The following WWOX variants were observed in gnomAD, a reference collection of about 807,000 sequenced individuals.
WWOX encodes WW domain-containing oxidoreductase.
Under a neutral mutation model 46.2 loss-of-function variants are expected in WWOX, and 69 were observed. The observed-to-expected ratio is 1.49, with a 90% CI of 1.23 to 1.82. The LOEUF is 1.82. Among genes scored for constraint, WWOX ranks in the 40% most tolerant of loss-of-function variants. The pLI, the probability that WWOX is intolerant of heterozygous loss-of-function variation, is 0.00. For synonymous variants in WWOX, 359 were observed against 202.6 expected (o/e 1.77, Z -6.56); for missense variants, 919 against 542.6 (o/e 1.69, Z -6.89).
intron 6 of WWOX, among the ~76,000 whole-genome samples, chr16:78,411,516 C>G (rs1461431040): frequency 1.3e-5 from 2 of 152,250 alleles, no homozygotes; most frequent in South Asian, 2.1e-4. Context: ...GGATGATTCA[C>G]CTGCCTGGAG....
At chr16:78,524,272 A>T (rs919091227) in intron 8 of WWOX, among the ~76,000 whole-genome samples, 1 of 152,232 alleles carries the variant, frequency 6.6e-6, no homozygotes, top group Non-Finnish European at 1.5e-5. Flanking sequence ...AGACACAGCC[A>T]TGATGAGCAA....
chr16:78,333,431 T>A (rs1187034811), intron 5 of WWOX, among the ~76,000 whole-genome samples: 1 of 152,182 alleles, frequency 6.6e-6, no homozygotes, highest in East Asian at 1.9e-4. Flanking sequence ...ACCATTATAA[T>A]CATGGTATTT....
chr16:78,516,786 G>T (rs1277097447), intron 8 of WWOX, among the ~76,000 whole-genome samples: 1 of 152,150 alleles, frequency 6.6e-6, no homozygotes, highest in Non-Finnish European at 1.5e-5. Flanking sequence ...AAAATCCGTG[G>T]CAAGGTACCT....
intron 8 of WWOX, among the ~76,000 whole-genome samples, chr16:78,617,091 T>A (rs2046043956): frequency 6.6e-6 from 1 of 152,130 alleles, no homozygotes. Flanking sequence ...TGTTCAACCC[T>A]CCACATCAAC....
intron 8 of WWOX, among the ~76,000 whole-genome samples, chr16:79,191,789 TA>T (rs917457772): frequency 1.1e-4 from 16 of 152,148 alleles, no homozygotes; most frequent in South Asian, 1.0e-3. Flanking sequence ...ATCCACTGAA[TA>T]AATGTCTATT....
intron 5 of WWOX, among the ~76,000 whole-genome samples, chr16:78,251,608 C>G (rs1243837770): frequency 6.6e-6 from 1 of 152,182 alleles, no homozygotes; most frequent in Non-Finnish European, 1.5e-5. Context: ...ATTCTAAAAG[C>G]TGTCTGAAAT....
At chr16:78,219,162 A>C (rs1330653094) in intron 5 of WWOX, among the ~76,000 whole-genome samples, 1 of 152,108 alleles carries the variant, frequency 6.6e-6, no homozygotes, top group African/African-American at 2.4e-5. Flanking sequence ...ATAGACCACA[A>C]ATTGATTTTG....
chr16:78,702,007 T>TTTTATATATA (rs1555519491), intron 8 of WWOX, among the ~76,000 whole-genome samples: 11 of 57,630 alleles, frequency 1.9e-4, no homozygotes, highest in Non-Finnish European at 2.8e-4. Flanking sequence ...CTACATAAAA[T>TTTTATATATA]TATATATATA....
At chr16:78,888,891 T>C (rs942659891) in intron 8 of WWOX, among the ~76,000 whole-genome samples, 3 of 152,170 alleles carry the variant, frequency 2.0e-5, no homozygotes, top group Non-Finnish European at 2.9e-5. Context: ...ATCTAATTTC[T>C]CTTCCATTCC....
At chr16:78,785,901 C>G (rs2050443896) in intron 8 of WWOX, among the ~76,000 whole-genome samples, 1 of 151,874 alleles carries the variant, frequency 6.6e-6, no homozygotes, top group African/African-American at 2.4e-5. Context: ...GTTAATATTT[C>G]TTTTTTATTT....
At chr16:78,408,901 G>GT (rs142243296) in intron 6 of WWOX, among the ~76,000 whole-genome samples, 1,924 of 152,268 alleles carry the variant, frequency 0.013, 37 homozygotes, top group African/African-American at 0.043. Flanking sequence ...GGGTATAAGT[G>GT]TGTAAGCAGG....
intron 8 of WWOX, among the ~76,000 whole-genome samples, chr16:79,184,716 G>C (rs1031960892): frequency 1.3e-5 from 2 of 152,202 alleles, no homozygotes; most frequent in African/African-American, 2.4e-5. Context: ...TCCCAGAAGA[G>C]TGGGAGTCTA....
rs182663409 is a variant in WWOX at position 79,166,999 on chromosome 16, G to A, written c.1057-44609G>A. Among the ~76,000 whole-genome samples, 275 of 151,932 alleles carry A rather than the reference G, an allele frequency of 1.8e-3. 2 individuals carry two copies. Among genetic ancestry groups the A allele is most frequent in the Middle Eastern group, 6.8e-3 (2 of 294 alleles). ...CTGTGTCATCCAGGCTGGAGTGCAT[G>A]GCCTGATCTCTACTCTCTGCAACCT... On this transcript the variant is annotated intron_variant, in intron 8 of 8. Coordinates refer to ENST00000566780, the MANE Select transcript of WWOX (RefSeq NM_016373.4).
chr16:78,418,532 T>C (rs1252243189), intron 6 of WWOX, among the ~76,000 whole-genome samples: 1 of 152,118 alleles, frequency 6.6e-6, no homozygotes, highest in Admixed American at 6.5e-5. Flanking sequence ...CTTTCACTTA[T>C]AAATAGAGAT....
chr16:78,482,917 G>C (rs1290666243), intron 8 of WWOX, among the ~76,000 whole-genome samples: 1 of 152,150 alleles, frequency 6.6e-6, no homozygotes, highest in African/African-American at 2.4e-5. Flanking sequence ...AAAAGAAACA[G>C]TCATTCATAT....
chr16:78,284,170 G>A (rs2079730768), intron 5 of WWOX, among the ~76,000 whole-genome samples: 1 of 152,168 alleles, frequency 6.6e-6, no homozygotes, highest in Non-Finnish European at 1.5e-5. Flanking sequence ...GGTTTAAGGG[G>A]TTGGACAACC....
At chr16:78,716,312 T>C (rs1403084583) in intron 8 of WWOX, among the ~76,000 whole-genome samples, 1 of 152,048 alleles carries the variant, frequency 6.6e-6, no homozygotes, top group Admixed American at 6.6e-5. Context: ...CTCCAGCCTT[T>C]GGAGGGAATG....
At chr16:78,476,232 G>A (rs1038072794) in intron 8 of WWOX, among the ~76,000 whole-genome samples, 1 of 152,164 alleles carries the variant, frequency 6.6e-6, no homozygotes, top group Non-Finnish European at 1.5e-5. Context: ...CAGTGATGAT[G>A]AGCATTGTTT....
chr16:79,171,306 A>G (rs913608776), intron 8 of WWOX, among the ~76,000 whole-genome samples: 5 of 152,366 alleles, frequency 3.3e-5, no homozygotes, highest in Admixed American at 3.3e-4. Flanking sequence ...GGACATATCT[A>G]ATAACATGAT....
Sources: allele counts gnomAD v4.1 joint callset (sites outside exome capture counted in the v4.1 genomes callset), GRCh38; gene constraint gnomAD v4.1.1; transcripts MANE v1.5; gene names NCBI Gene and HGNC (gene_info 2026-07-23, HGNC 2026-07-21).